Variants in ZNF143 observed in about 807,000 individuals in gnomAD.
ZNF143 encodes SPH-binding factor.
Under a neutral mutation model 74.1 loss-of-function variants are expected in ZNF143, and 49 were observed. The ratio of observed to expected loss-of-function variants is 0.66; its 90% CI spans 0.53 to 0.84. ZNF143 has a LOEUF of 0.84. Ranked by LOEUF, ZNF143 falls within the 40% of genes least tolerant of loss-of-function variation. ZNF143 has a pLI of 0.00. For missense variants in ZNF143, 637 were observed against 793.4 expected, an observed-to-expected ratio of 0.80 and a Z score of 2.37; for synonymous variants, 304 against 282.8, an observed-to-expected ratio of 1.07 and a Z score of -0.75.
chr11:9,526,585 A>ATT (rs35509156), intron 15 of ZNF143, among the ~76,000 whole-genome samples: 146 of 147,438 alleles, frequency 9.9e-4, no homozygotes, highest in Admixed American at 3.2e-3. Flanking sequence ...GCATGTATGA[A>ATT]TTTTTTTTTT....
rs951979831 is a variant in ZNF143, at chr11:9,525,570, C to T, written c.1833+184C>T. 7 of 768,710 alleles carry T rather than the reference C, an allele frequency of 9.1e-6. No individual in the cohort carries two copies. The African/African-American group carries it at 1.2e-4, about 13-fold the overall frequency. The allele number at this position is 768,710 out of a possible 1,614,324, so 47.6% of individuals were successfully genotyped here. A position where few individuals can be genotyped will look rare whatever the true frequency, so the allele number is the denominator to read the frequency against. On this transcript the variant is annotated intron_variant, in intron 15 of 15. Coordinates refer to ENST00000396602, the MANE Select transcript of ZNF143 (RefSeq NM_003442.6). ...CTCAAAAAGACCAGCACTTTGTTCTCTACCCATCTTTGCATATTCTAGGGG... is the reference window on the plus strand; with the variant it reads ...CTCAAAAAGACCAGCACTTTGTTCTTTACCCATCTTTGCATATTCTAGGGG...
chr11:9,473,162 G>A (rs1459480704), intron 3 of ZNF143, among the ~76,000 whole-genome samples: 2 of 151,886 alleles, frequency 1.3e-5, no homozygotes, highest in Middle Eastern at 3.2e-3. Context: ...AGGCCGAGGC[G>A]GGCAGATCAC....
rs57169874 is a variant in ZNF143 at position 9,501,925 on chromosome 11, C to CTTTTTT, written c.1147+678_1147+683dup. 1.4e-3 allele frequency among the ~76,000 whole-genome samples: 51 copies of CTTTTTT among 37,442 alleles called. 4 individuals carry two copies. Among genetic ancestry groups the CTTTTTT allele is most frequent in the African/African-American group, 3.5e-3 (31 of 8,770 alleles). 24.6% of individuals were successfully genotyped at this position (37,442 alleles called of 152,430 possible). On this transcript the variant is annotated intron_variant, in intron 11 of 15. Transcript: ENST00000396602. Reference sequence around the variant, plus strand: ...GGGCGGGGTGGTCTATGGATATATTCTTTTTTTTTTTTTTTTTTTTTTTTT... The same window carrying CTTTTTT: ...GGGCGGGGTGGTCTATGGATATATTCTTTTTTTTTTTTTTTTTTTTTTTTTTTTTTT...
chr11:9,512,943 A>C (rs1038079607), intron 13 of ZNF143, among the ~76,000 whole-genome samples: 2 of 152,182 alleles, frequency 1.3e-5, no homozygotes, highest in Non-Finnish European at 2.9e-5. Context: ...GGTGAGATTG[A>C]GAAAACAGAG....
chr11:9,483,975 C>T (rs1847354160), intron 7 of ZNF143, among the ~76,000 whole-genome samples: 1 of 150,782 alleles, frequency 6.6e-6, no homozygotes, highest in Non-Finnish European at 1.5e-5. Context: ...GTCTGAATCT[C>T]TTGACCTCGT....
intron 13 of ZNF143, 85 bp downstream of exon 13, chr11:9,512,681 C>G (rs1399063799): frequency 6.5e-7 from 1 of 1,550,384 alleles, no homozygotes; most frequent in Non-Finnish European, 8.8e-7. Context: ...TTGAGGAAAG[C>G]TTTGAAATAT....
At position 9,477,498 on chromosome 11, in the gene ZNF143, G is replaced by T. The variant is rs941015014; in HGVS notation, c.374-892G>T. ...TCTCAATCTCTTGACCTTGTGATCCGCCTGGCTTGGCCTCCCAAAGTGTTG... is the reference window on the plus strand; with the variant it reads ...TCTCAATCTCTTGACCTTGTGATCCTCCTGGCTTGGCCTCCCAAAGTGTTG... On this transcript the variant is annotated intron_variant, in intron 5 of 15. Coordinates refer to ENST00000396602, the MANE Select transcript of ZNF143 (RefSeq NM_003442.6). Among the ~76,000 whole-genome samples the T allele has an allele frequency of 3.3e-5, 5 of 151,972 alleles. 1 individual carries two copies. The East Asian group carries it at 9.6e-4, about 29-fold the overall frequency.
intron 1 of ZNF143, among the ~76,000 whole-genome samples, chr11:9,464,295 C>T (rs1378740022): frequency 1.3e-5 from 2 of 152,022 alleles, no homozygotes; most frequent in Non-Finnish European, 2.9e-5. Context: ...CAATGCCCAG[C>T]TAATTTTTAG....
chr11:9,473,015 TCTTA>T (rs1856675469), intron 3 of ZNF143, among the ~76,000 whole-genome samples: 1 of 151,830 alleles, frequency 6.6e-6, no homozygotes, highest in Non-Finnish European at 1.5e-5. Flanking sequence ...AGGGAGTATG[TCTTA>T]CTATTTTCTA....
intron 1 of ZNF143, among the ~76,000 whole-genome samples, chr11:9,466,009 T>C (rs1014332643): frequency 2.7e-5 from 4 of 148,772 alleles, no homozygotes; most frequent in African/African-American, 9.9e-5. Context: ...TTTTTTTTTT[T>C]GAGAGGGAGT....
In ZNF143 at chr11:9,470,780, C is replaced by A. The variant is rs542547113; in HGVS notation, c.-7-522C>A. 7.9e-5 allele frequency among the ~76,000 whole-genome samples: 12 copies of A among 152,154 alleles called. No individual in the cohort carries two copies. The South Asian group carries it at 2.3e-3, about 29-fold the overall frequency. On this transcript the variant is annotated intron_variant, in intron 1 of 15. Coordinates refer to ENST00000396602, the MANE Select transcript of ZNF143 (RefSeq NM_003442.6). ...AACTTTTCCCTTCAAAGGACACTGA[C>A]CGCTGTGTCAAAAGAAGAGTGTAGG...
chr11:9,494,800 G>C (rs567541397), intron 8 of ZNF143, 35 bp downstream of exon 8: 1 of 1,560,738 alleles, frequency 6.4e-7, no homozygotes, highest in Non-Finnish European at 8.8e-7. Context: ...CTAGTTATGA[G>C]AATACCTAGG....
chr11:9,509,966 T>C (rs892627929), intron 12 of ZNF143, among the ~76,000 whole-genome samples: 1 of 152,142 alleles, frequency 6.6e-6, no homozygotes, highest in African/African-American at 2.4e-5. Flanking sequence ...AGAAAGGAAG[T>C]AAATAAGAAG....
intron 1 of ZNF143, among the ~76,000 whole-genome samples, chr11:9,467,396 G>A (rs991439885): frequency 6.6e-6 from 1 of 151,738 alleles, no homozygotes; most frequent in Non-Finnish European, 1.5e-5. Context: ...ACCATACCCG[G>A]CTGATTTTCT....
intron 14 of ZNF143, among the ~76,000 whole-genome samples, chr11:9,524,468 C>G (rs1161715385): frequency 6.6e-6 from 1 of 152,130 alleles, no homozygotes; most frequent in Non-Finnish European, 1.5e-5. Context: ...TTGATCCAAG[C>G]TAAATATCTA....
In ZNF143 at chr11:9,501,231, AG is replaced by A; in HGVS notation, c.1109del (p.Ser370MetfsTer9). On this transcript the variant is annotated frameshift_variant, in exon 11 of 16. Coordinates refer to ENST00000396602, the MANE Select transcript of ZNF143 (RefSeq NM_003442.6). LOFTEE classifies it high-confidence loss of function. Reference sequence around the variant, plus strand: ...GCCAGGATGTGGGAGGGCATTTGCCAGTGCAACAAATTATAAAAACCATGTG... The same window carrying A: ...GCCAGGATGTGGGAGGGCATTTGCCATGCAACAAATTATAAAAACCATGTG... ...TEPGCGRAFA[S>X]ATNYKNHVRI... is the part of the protein sequence containing the mutation. The A allele has an allele frequency of 6.2e-7, 1 of 1,614,204 alleles. No homozygotes were observed. The highest frequency in any genetic ancestry group is 8.5e-7 in the Non-Finnish European group (1 of 1,180,042).
intron 7 of ZNF143, among the ~76,000 whole-genome samples, chr11:9,493,903 G>A (rs778526104): frequency 6.6e-6 from 1 of 152,154 alleles, no homozygotes; most frequent in East Asian, 1.9e-4. Flanking sequence ...CATATGGATT[G>A]TAATGTTTCC....
At chr11:9,488,430 A>G (rs188610211) in intron 7 of ZNF143, among the ~76,000 whole-genome samples, 3 of 152,228 alleles carry the variant, frequency 2.0e-5, no homozygotes, top group Admixed American at 6.5e-5. Context: ...AACTCATTCT[A>G]TTATGTAAAC....
chr11:9,527,615 C>T lies in ZNF143; in HGVS notation c.*2C>T. ...GAAACGCCAGGGTTGGATGATTAAT[C>T]CTCAGAACAATGGAGCAATAAAGCA... is the stretch of plus-strand genomic sequence containing the variant. On this transcript the variant is annotated 3_prime_UTR_variant, in exon 16 of 16. Transcript: ENST00000396602. 6.2e-7 allele frequency: 1 copy of T among 1,613,256 alleles called. No homozygotes were observed. Among genetic ancestry groups the T allele is most frequent in the Non-Finnish European group, 8.5e-7 (1 of 1,179,254 alleles).
Sources: allele counts gnomAD v4.1 joint callset (sites outside exome capture counted in the v4.1 genomes callset), GRCh38; gene constraint gnomAD v4.1.1; transcripts MANE v1.5; gene names NCBI Gene and HGNC (gene_info 2026-07-23, HGNC 2026-07-21).